Variants in DSCAM observed in about 807,000 individuals in gnomAD.
The protein encoded by DSCAM is cell adhesion molecule DSCAM.
Under a neutral mutation model 217.7 loss-of-function variants are expected in DSCAM, and 47 were observed. The observed-to-expected ratio is 0.22, with a 90% CI of 0.17 to 0.28. The LOEUF (loss-of-function observed/expected upper bound fraction) is 0.28, where lower values mean the gene tolerates loss of function less well. Ranked by LOEUF, DSCAM falls within the 10% of genes least tolerant of loss-of-function variation. The pLI, the probability that DSCAM is intolerant of heterozygous loss-of-function variation, is 1.00. For synonymous variants in DSCAM, 1,056 were observed against 1,015.3 expected (o/e 1.04, Z -0.76); for missense variants, 2,080 against 2,618.3 (o/e 0.79, Z 4.49).
chr21:40,446,637 G>T (rs1017532292), intron 3 of DSCAM, among the ~76,000 whole-genome samples: 2 of 152,158 alleles, frequency 1.3e-5, no homozygotes, highest in African/African-American at 4.8e-5. Context: ...GGCCAGAACA[G>T]GCTCTGGCCA....
intron 10 of DSCAM, among the ~76,000 whole-genome samples, chr21:40,276,546 T>A (rs539222682): frequency 1.3e-5 from 2 of 152,246 alleles, no homozygotes; most frequent in Admixed American, 1.3e-4. Context: ...ATTTGATGAG[T>A]GTTAAGTAGC....
chr21:40,712,932 A>G (rs905933212), intron 1 of DSCAM, among the ~76,000 whole-genome samples: 1 of 152,170 alleles, frequency 6.6e-6, no homozygotes, highest in Non-Finnish European at 1.5e-5. Context: ...GAAAGCCTAC[A>G]TACTGATGTG....
At chr21:40,342,072 G>A (rs758443741) in intron 6 of DSCAM, among the ~76,000 whole-genome samples, 4 of 152,034 alleles carry the variant, frequency 2.6e-5, no homozygotes, top group African/African-American at 7.3e-5. Context: ...TGTGCCTATT[G>A]GCCATCCGTG....
At chr21:40,750,392 A>G (rs1476623820) in intron 1 of DSCAM, among the ~76,000 whole-genome samples, 1 of 152,068 alleles carries the variant, frequency 6.6e-6, no homozygotes, top group African/African-American at 2.4e-5. Context: ...TCTGATAGGA[A>G]TTTTCTTGCT....
chr21:40,422,384 C>A (rs2075432871), intron 3 of DSCAM, among the ~76,000 whole-genome samples: 1 of 152,144 alleles, frequency 6.6e-6, no homozygotes, highest in Non-Finnish European at 1.5e-5. Flanking sequence ...AACCCCAGCA[C>A]TGTGGGAGGC....
chr21:40,266,801 C>T (rs2410234), intron 11 of DSCAM, among the ~76,000 whole-genome samples: 61,290 of 107,266 alleles, frequency 0.57, 15,277 homozygotes, highest in African/African-American at 0.64. Flanking sequence ...TATATATATA[C>T]ACACACACAC....
rs2089901450 is a variant in DSCAM, at chr21:40,642,978, G to T, written c.508+49832C>A. Among the ~76,000 whole-genome samples the T allele has an allele frequency of 1.3e-5, 2 of 152,214 alleles. 1 individual carries two copies. Among genetic ancestry groups the T allele is most frequent in the South Asian group, 4.1e-4 (2 of 4,836 alleles). On this transcript the variant is annotated intron_variant, in intron 3 of 32. Coordinates refer to ENST00000400454, the MANE Select transcript of DSCAM (RefSeq NM_001389.5). ...TAAGAGCATAGAGCCTGGACTCAGG[G>T]CTCTGGGATACATAGGCTGGGGCTG...
At position 40,144,452 on chromosome 21, in the gene DSCAM, C is replaced by T. The variant is rs376644665; in HGVS notation, c.3259+39G>A. The T allele has an allele frequency of 4.8e-5, 77 of 1,608,928 alleles. No homozygotes were observed. The highest frequency in any genetic ancestry group is 1.7e-4 in the Middle Eastern group (1 of 5,736). ...CGGGGCAGACCCGAGGGAACCTTTG[C>T]GGAGGGAAAAGCCACGACCAGGCCC... On this transcript the variant is annotated intron_variant, in intron 17 of 32. Transcript: ENST00000400454. The surrounding 1 kb of genome is among the most constrained non-coding windows in gnomAD (Gnocchi z 4.8).
chr21:40,186,331 GA>G (rs1403689306), intron 14 of DSCAM, among the ~76,000 whole-genome samples: 8 of 152,168 alleles, frequency 5.3e-5, no homozygotes. Flanking sequence ...TCCAGGAAGT[GA>G]AAAATAAAGC....
chr21:40,181,925 G>A (rs1324090216), intron 14 of DSCAM, among the ~76,000 whole-genome samples: 1 of 151,946 alleles, frequency 6.6e-6, no homozygotes, highest in Non-Finnish European at 1.5e-5. Flanking sequence ...AGGGAGACTG[G>A]TGGTGTAGGA....
At chr21:40,466,449 A>T (rs2075846187) in intron 3 of DSCAM, among the ~76,000 whole-genome samples, 1 of 152,206 alleles carries the variant, frequency 6.6e-6, no homozygotes, top group Admixed American at 6.5e-5. Context: ...AGTCCCCTCC[A>T]TGGCAATTCT....
intron 1 of DSCAM, among the ~76,000 whole-genome samples, chr21:40,815,271 G>C (rs1262991430): frequency 6.6e-6 from 1 of 151,942 alleles, no homozygotes; most frequent in African/African-American, 2.4e-5. Context: ...AGACTGCCAC[G>C]AGATAAGGCT....
At chr21:40,486,540 G>T (rs2076030138) in intron 3 of DSCAM, among the ~76,000 whole-genome samples, 1 of 151,954 alleles carries the variant, frequency 6.6e-6, no homozygotes. Flanking sequence ...GGAGGGAGGG[G>T]GAAGGAGAAG....
chr21:40,341,407 CA>C (rs1344302202), intron 6 of DSCAM, among the ~76,000 whole-genome samples: 3 of 152,092 alleles, frequency 2.0e-5, no homozygotes, highest in Non-Finnish European at 4.4e-5. Context: ...TCTGAAAACT[CA>C]AGTGTTTAGA....
intron 1 of DSCAM, among the ~76,000 whole-genome samples, chr21:40,812,589 G>A (rs1018238968): frequency 1.3e-5 from 2 of 152,212 alleles, no homozygotes; most frequent in African/African-American, 4.8e-5. Flanking sequence ...GGAGAAGATG[G>A]AACTTGGTTA....
At chr21:40,381,828 A>T (rs909024366) in intron 3 of DSCAM, among the ~76,000 whole-genome samples, 1 of 152,200 alleles carries the variant, frequency 6.6e-6, no homozygotes, top group Non-Finnish European at 1.5e-5. Context: ...TTTACTTTTT[A>T]AAAAAATGAA....
chr21:40,560,432 G>A (rs1202004816), intron 3 of DSCAM, among the ~76,000 whole-genome samples: 2 of 152,128 alleles, frequency 1.3e-5, no homozygotes, highest in Admixed American at 1.3e-4. Context: ...CCATGTTCCC[G>A]GGGAATATTC....
At chr21:40,174,325 T>C (rs939592391) in intron 15 of DSCAM, among the ~76,000 whole-genome samples, 3 of 152,140 alleles carry the variant, frequency 2.0e-5, no homozygotes, top group Non-Finnish European at 4.4e-5. Flanking sequence ...ACTGAGTAGT[T>C]TGGGGTTGGA....
intron 1 of DSCAM, among the ~76,000 whole-genome samples, chr21:40,737,625 A>G (rs1406776284): frequency 6.6e-6 from 1 of 152,218 alleles, no homozygotes; most frequent in Admixed American, 6.5e-5. Flanking sequence ...TAGGCAAAAG[A>G]GCAAAACTCC....
Sources: allele counts gnomAD v4.1 joint callset (sites outside exome capture counted in the v4.1 genomes callset), GRCh38; gene constraint gnomAD v4.1.1; non-coding constraint Gnocchi (gnomAD v3.1); transcripts MANE v1.5; gene names NCBI Gene and HGNC (gene_info 2026-07-23, HGNC 2026-07-21).